AKNA: variants seen among roughly 807,000 people sequenced by gnomAD.
AKNA encodes AT-hook transcription factor, also known as microtubule organization protein AKNA.
Under a neutral mutation model 138.8 loss-of-function variants are expected in AKNA, and 67 were observed. The ratio of observed to expected loss-of-function variants is 0.48; its 90% confidence interval spans 0.40 to 0.59. The LOEUF is 0.59. Among genes scored for constraint, AKNA ranks in the 20% least tolerant of loss-of-function variants. The probability of loss-of-function intolerance (pLI) is 0.00; values close to 1 mark genes in which losing one functional copy is unlikely to be tolerated. For missense variants in AKNA, 1,813 were observed against 1,880.4 expected (o/e 0.96, Z 0.66); for synonymous variants, 737 against 754.4 (o/e 0.98, Z 0.38).
chr9:114,347,979 C>T (rs994629062), intron 15 of AKNA, 79 bp from the exon 16 acceptor site: 19 of 1,477,972 alleles, frequency 1.3e-5, no homozygotes, highest in African/African-American at 7.2e-5. Flanking sequence ...TGCCAGGATG[C>T]GGCAGCCTTT....
At chr9:114,391,874 A>AC (rs397948635), upstream of AKNA, among the ~76,000 whole-genome samples, 3 of 140,066 alleles carry the variant, frequency 2.1e-5, no homozygotes, top group Non-Finnish European at 3.1e-5. Context: ...AAAAAAAAAA[A>AC]CACCAAAAAC....
intron 1 of AKNA, among the ~76,000 whole-genome samples, chr9:114,393,328 G>A (rs531844681): frequency 2.7e-5 from 4 of 149,800 alleles, no homozygotes; most frequent in Admixed American, 6.7e-5. Context: ...CCATTCTCCT[G>A]CCTCAGCCTC....
intron 7 of AKNA, among the ~76,000 whole-genome samples, chr9:114,362,894 A>T (rs1832080972): frequency 2.0e-5 from 3 of 152,196 alleles, no homozygotes; most frequent in Non-Finnish European, 4.4e-5. Flanking sequence ...GACCCTTTAC[A>T]TGAGAGACTC....
At chr9:114,389,212 C>T (rs1287990354), upstream of AKNA, among the ~76,000 whole-genome samples, 1 of 151,718 alleles carries the variant, frequency 6.6e-6, no homozygotes. Context: ...CCTGTGTACC[C>T]GGGGCAGAGC....
chr9:114,375,672 G>T (rs537739850), intron 3 of AKNA, among the ~76,000 whole-genome samples: 9 of 152,194 alleles, frequency 5.9e-5, no homozygotes, highest in African/African-American at 2.2e-4. Context: ...TCTAGTGGGG[G>T]TGAATAGGGG....
At chr9:114,392,274 C>T (rs897977029), upstream of AKNA, among the ~76,000 whole-genome samples, 1 of 152,198 alleles carries the variant, frequency 6.6e-6, no homozygotes, top group Non-Finnish European at 1.5e-5. Flanking sequence ...GCTTTGGAAC[C>T]TGCGGCTTAA....
chr9:114,347,974 G>A, intron 15 of AKNA, 74 bp from the exon 16 acceptor site: 1 of 1,490,314 alleles, frequency 6.7e-7, no homozygotes, highest in Non-Finnish European at 9.0e-7. Flanking sequence ...GAGTATGCCA[G>A]GATGCGGCAG....
chr9:114,355,624 G>A (rs564296833), intron 14 of AKNA, among the ~76,000 whole-genome samples: 118 of 152,296 alleles, frequency 7.7e-4, no homozygotes, highest in Non-Finnish European at 1.3e-3. Flanking sequence ...TGGGACCACC[G>A]CCGTGCACGC....
At chr9:114,345,315 G>A (rs1470930552) in intron 18 of AKNA, 2 of 152,078 alleles carry the variant, frequency 1.3e-5, no homozygotes, top group African/African-American at 4.8e-5. Context: ...ACTGATCTCA[G>A]GTGATTCTCC....
At chr9:114,358,819 CGGGGG>C (rs1831698033) in intron 11 of AKNA, among the ~76,000 whole-genome samples, 1 of 115,262 alleles carries the variant, frequency 8.7e-6, no homozygotes, top group Non-Finnish European at 1.7e-5. Context: ...CATCACACAC[CGGGGG>C]CTGTTGTGGG....
intron 14 of AKNA, among the ~76,000 whole-genome samples, chr9:114,351,673 A>G (rs1449378127): frequency 6.6e-6 from 1 of 151,338 alleles, no homozygotes; most frequent in Admixed American, 6.6e-5. Flanking sequence ...AATTATATAT[A>G]TAAAAAAATT....
At chr9:114,370,143 A>G (rs901235818) in intron 4 of AKNA, among the ~76,000 whole-genome samples, 10 of 152,224 alleles carry the variant, frequency 6.6e-5, no homozygotes, top group Non-Finnish European at 1.5e-4. Context: ...CTTAAGCTGT[A>G]TAGGTCCCGG....
At position 114,334,649 on chromosome 9, in the gene AKNA, G is replaced by T. The variant is rs1588927895; in HGVS notation, c.*2405C>A. 6.8e-6 allele frequency: 1 copy of T among 147,194 alleles called. No individual in the cohort carries two copies. The highest frequency in any genetic ancestry group is 2.1e-4 in the South Asian group (1 of 4,834). The allele number at this position is 147,194 out of a possible 1,614,324, so 9.1% of individuals were successfully genotyped here. The stretch of plus-strand genomic sequence containing the variant: ...GCCTCACCCCAACCTGGGTGCTCGT[G>T]ATTGACAGCCTCTTGTTACGTGAGG... On this transcript the variant is annotated 3_prime_UTR_variant, in exon 22 of 22. Transcript: ENST00000374088.
intron 4 of AKNA, 107 bp downstream of exon 4, chr9:114,373,986 A>T: frequency 8.3e-7 from 1 of 1,209,352 alleles, no homozygotes; most frequent in Non-Finnish European, 1.2e-6. Context: ...CACTATCTCC[A>T]GGGCCTCAGT....
At chr9:114,383,441 G>C (rs527596718) in intron 1 of AKNA, among the ~76,000 whole-genome samples, 1 of 152,212 alleles carries the variant, frequency 6.6e-6, no homozygotes, top group Non-Finnish European at 1.5e-5. Flanking sequence ...TGCCATGGAG[G>C]GTTCAGAGAA....
At chr9:114,382,588 G>GA (rs72172564) in intron 1 of AKNA, among the ~76,000 whole-genome samples, 15,846 of 84,678 alleles carry the variant, frequency 0.19, 3,171 homozygotes, top group African/African-American at 0.5. Flanking sequence ...GTCTCAAAAG[G>GA]AAAAAAAAAA....
At chr9:114,365,911 A>G (rs1832312498) in intron 6 of AKNA, among the ~76,000 whole-genome samples, 1 of 152,206 alleles carries the variant, frequency 6.6e-6, no homozygotes, top group Admixed American at 6.5e-5. Context: ...GCTCCTGCTC[A>G]GTGTGATGAT....
chr9:114,374,825 G>A (rs912194085), intron 3 of AKNA, among the ~76,000 whole-genome samples: 1 of 152,194 alleles, frequency 6.6e-6, no homozygotes, highest in East Asian at 1.9e-4. Flanking sequence ...GGTCAGTAAC[G>A]GTAACAGTAA....
chr9:114,374,246 A>C lies in AKNA; in HGVS notation c.1342-79T>G, dbSNP rs1210213710. On this transcript the variant is annotated intron_variant, in intron 3 of 21. Transcript: ENST00000374088. ...CCTTGCTGGGAGACCCTGATAGCAA[A>C]CCCCCTTCCATAAGGGCTTCTGGGT... 7 of 1,368,776 alleles carry C rather than the reference A, an allele frequency of 5.1e-6. No individual in the cohort carries two copies. The Admixed American group carries it at 1.2e-4, about 23-fold the overall frequency. The allele number at this position is 1,368,776 out of a possible 1,614,324, so 84.8% of individuals were successfully genotyped here.
Sources: gnomAD v4.1 joint callset for allele counts (sites outside exome capture counted in the v4.1 genomes callset) on GRCh38, gnomAD v4.1.1 for gene constraint, MANE v1.5 for transcripts, NCBI Gene and HGNC (gene_info 2026-07-23, HGNC 2026-07-21) for gene names.